Variants in RAB11FIP1 observed in about 807,000 individuals in gnomAD.
RAB11FIP1 encodes RAB11 family interacting protein 1.
RAB11FIP1 carries 49 observed loss-of-function variants against 83.1 expected under a neutral mutation model. That is an observed-to-expected ratio of 0.59 (90% confidence interval 0.47 to 0.75). The LOEUF (loss-of-function observed/expected upper bound fraction) is 0.75, where lower values mean the gene tolerates loss of function less well. RAB11FIP1 is among the 30% of genes least tolerant of loss of function. The pLI, the probability that RAB11FIP1 is intolerant of heterozygous loss-of-function variation, is 0.00. For synonymous variants in RAB11FIP1, 670 were observed against 656.0 expected (o/e 1.02, Z -0.33); for missense variants, 1,536 against 1,598.7 (o/e 0.96, Z 0.67).
At position 37,863,028 on chromosome 8, in the gene RAB11FIP1, G is replaced by A. The variant is rs368435417; in HGVS notation, c.3719C>T (p.Thr1240Met). The change falls in exon 6 of 6, where the codon ACG (threonine) becomes ATG (methionine). Residue 1240 changes from threonine (T) to methionine (M), a missense_variant. Coordinates refer to ENST00000330843, the MANE Select transcript of RAB11FIP1 (RefSeq NM_001002814.3). ...LIQLVLKQKETISKKEFQVRE... is the reference protein window; with the variant it reads ...LIQLVLKQKEMISKKEFQVRE... The stretch of plus-strand genomic sequence containing the variant: ...GACCTGGAACTCCTTCTTGCTTATC[G>A]TTTCCTTCTGTTTGAGGACCAGCTG... 85 of 1,613,412 alleles carry A rather than the reference G, an allele frequency of 5.3e-5. No homozygotes were observed. The highest frequency in any genetic ancestry group is 1.8e-4 in the Middle Eastern group (1 of 5,668).
In RAB11FIP1 at chr8:37,899,105, C is replaced by A. The variant is rs748646177; in HGVS notation, c.337G>T (p.Asp113Tyr). The A allele has an allele frequency of 1.8e-5, 27 of 1,528,474 alleles. No homozygotes were observed. The East Asian group carries it at 5.4e-4, about 30-fold the overall frequency. The allele number at this position is 1,528,474 out of a possible 1,614,324, so 94.7% of individuals were successfully genotyped here. A position where few individuals can be genotyped will look rare whatever the true frequency, so the allele number is the denominator to read the frequency against. ...CTGCGGCCCTGGTCGCGGTGCAGAT[C>A]CCGCAGGTCCACCTCGGCGCGGCCC... ...FLGRAEVDLR[D>Y]LHRDQGRRKT... is the part of the protein sequence containing the mutation. Residue 113 changes from aspartate to tyrosine, a missense_variant, in exon 1 of 6, where the codon GAT (aspartate) becomes TAT (tyrosine). Coordinates refer to ENST00000330843, the MANE Select transcript of RAB11FIP1 (RefSeq NM_001002814.3). This position sits in a 1 kb window ranked among gnomAD's most constrained non-coding sequence, Gnocchi z 4.5.
intron 1 of RAB11FIP1, among the ~76,000 whole-genome samples, chr8:37,891,906 G>A (rs540124858): frequency 6.6e-6 from 1 of 152,220 alleles, no homozygotes; most frequent in Admixed American, 6.5e-5. Flanking sequence ...GTACTGAGTG[G>A]GTAATCACTT....
At chr8:37,875,345 A>G (rs747614213) in intron 2 of RAB11FIP1, 23 bp from the exon 3 acceptor site, 2 of 1,567,992 alleles carry the variant, frequency 1.3e-6, no homozygotes, top group Admixed American at 3.5e-5. Flanking sequence ...AAAGAACAGA[A>G]AGGGGATAAG....
chr8:37,894,739 T>TATATATAC (rs1416954611), intron 1 of RAB11FIP1, among the ~76,000 whole-genome samples: 5 of 147,240 alleles, frequency 3.4e-5, no homozygotes, highest in African/African-American at 1.2e-4. Flanking sequence ...TATATATATA[T>TATATATAC]ACACACACAC....
At chr8:37,873,871 A>ATGTATATG (rs377482566) in intron 3 of RAB11FIP1, among the ~76,000 whole-genome samples, 1 of 149,474 alleles carries the variant, frequency 6.7e-6, no homozygotes, top group Non-Finnish European at 1.5e-5. Context: ...GTGTGTGTAT[A>ATGTATATG]TGTGTGTGTG....
chr8:37,870,601 C>G, intron 4 of RAB11FIP1, 73 bp from the exon 5 acceptor site: 2 of 763,700 alleles, frequency 2.6e-6, no homozygotes, highest in South Asian at 3.4e-5. Flanking sequence ...ACTGCAAAGA[C>G]GGCAGCCAGT....
intron 1 of RAB11FIP1, chr8:37,878,189 T>A (rs1185343659): frequency 6.6e-6 from 1 of 151,266 alleles, no homozygotes; most frequent in Non-Finnish European, 1.5e-5. Flanking sequence ...GAAAAAAAAA[T>A]ATTCCATGGA....
rs139751334 is a variant in RAB11FIP1, at chr8:37,872,183, C to A, written c.2619G>T (p.Ala873=). The change falls in exon 4 of 6, where the codon GCG becomes GCT. Residue 873 remains alanine (A), a synonymous_variant. Transcript: ENST00000330843. ...ERESVTTPGP[A]TCGAPASPAD... The stretch of plus-strand genomic sequence containing the variant: ...CTGGGGAGGCTGGCGCACCACACGT[C>A]GCTGGCCCAGGTGTGGTCACCGATT... The A allele has an allele frequency of 2.0e-5, 33 of 1,614,002 alleles. No homozygotes were observed. Among genetic ancestry groups the A allele is most frequent in the Non-Finnish European group, 2.7e-5 (32 of 1,179,978 alleles).
Position 37,872,429 on chromosome 8 carries a change from C to T in RAB11FIP1, c.2373G>A (p.Leu791=), listed in dbSNP as rs75482874. ...VPSIDSMMRK[L]EEMGLNLRKD... is the part of the protein sequence containing the mutation. ...TGCGGAGGTTCAGACCCATCTCTTC[C>T]AGCTTCCGCATCATGGAATCAATGG... Residue 791 remains leucine (L), a synonymous_variant, in exon 4 of 6, where the codon CTG becomes CTA. Transcript: ENST00000330843. The T allele has an allele frequency of 3.0e-4, 480 of 1,614,202 alleles. 7 individuals are homozygous for T. The East Asian group carries it at 7.5e-3, about 25-fold the overall frequency.
Position 37,898,721 on chromosome 8 carries a change from G to C in RAB11FIP1, c.371+350C>G, listed in dbSNP as rs1184017714. Among the ~76,000 whole-genome samples, 7 of 150,352 alleles carry C rather than the reference G, an allele frequency of 4.7e-5. No individual in the cohort carries two copies. In the South Asian group the frequency reaches 6.3e-4, roughly 14 times the overall value. On this transcript the variant is annotated intron_variant, in intron 1 of 5. Transcript: ENST00000330843. ...TGTAATCCCAGCTACTCGGGAGGCTGAGGCAGGAGAATCACGTGAACCTGC... is the reference window on the plus strand; with the variant it reads ...TGTAATCCCAGCTACTCGGGAGGCTCAGGCAGGAGAATCACGTGAACCTGC...
chr8:37,875,040 C>T lies in RAB11FIP1; in HGVS notation c.1097G>A (p.Trp366Ter), dbSNP rs1806577608. Residue 366 changes from tryptophan to a stop codon, truncating the protein, a stop_gained, in exon 3 of 6, where the codon TGG (tryptophan) becomes TAG (stop). Coordinates refer to ENST00000330843, the MANE Select transcript of RAB11FIP1 (RefSeq NM_001002814.3). LOFTEE classifies it high-confidence loss of function. The part of the protein sequence containing the change: ...SSTENLAAGS[W>*]KEPAEGGGLS... ...CCCACCTCCTTCAGCAGGCTCCTTC[C>T]AAGACCCAGCCGCCAGGTTCTCTGT... 5 of 1,614,144 alleles carry T rather than the reference C, an allele frequency of 3.1e-6. No individual in the cohort carries two copies. The highest frequency in any genetic ancestry group is 4.2e-6 in the Non-Finnish European group (5 of 1,180,034).
At position 37,871,993 on chromosome 8, in the gene RAB11FIP1, G is replaced by C. The variant is rs1034968731; in HGVS notation, c.2809C>G (p.Pro937Ala). Residue 937 changes from proline (P) to alanine (A), a missense_variant, in exon 4 of 6, where the codon CCC (proline) becomes GCC (alanine). Physicochemically the swap from Pro to Ala is conservative, Grantham distance 27. Coordinates refer to ENST00000330843, the MANE Select transcript of RAB11FIP1 (RefSeq NM_001002814.3). The stretch of plus-strand genomic sequence containing the variant: ...GAGACCAACTGAAGGTCACTCAAGG[G>C]GTCAGACAATAAACCTTCGTGGTCA... ...ASDHEGLLSDPLSDLQLVSDF... is the reference protein window; with the variant it reads ...ASDHEGLLSDALSDLQLVSDF... 1.2e-6 allele frequency: 2 copies of C among 1,614,106 alleles called. No individual in the cohort carries two copies. Among genetic ancestry groups the C allele is most frequent in the Non-Finnish European group, 1.7e-6 (2 of 1,180,028 alleles).
rs7000811 is a variant in RAB11FIP1 at position 37,865,308 on chromosome 8, T to C, written c.3634-2195A>G. On this transcript the variant is annotated intron_variant, in intron 5 of 5. Transcript: ENST00000330843. ...AACATTTGGGTCTCTTTATTTTTCC[T>C]GGGATTCTTTTTTTTTTTTTTCTTT... Among the ~76,000 whole-genome samples the C allele has an allele frequency of 8.9e-3, 1,224 of 137,302 alleles. 11 individuals carry two copies. Among genetic ancestry groups the C allele is most frequent in the African/African-American group, 0.031 (1,142 of 36,734 alleles). 90.1% of individuals were successfully genotyped at this position (137,302 alleles called of 152,430 possible).
chr8:37,898,529 T>C (rs1451637894), intron 1 of RAB11FIP1, among the ~76,000 whole-genome samples: 1 of 151,992 alleles, frequency 6.6e-6, no homozygotes, highest in African/African-American at 2.4e-5. Context: ...GGCGCACGCC[T>C]GTAGTCCCAG....
chr8:37,893,613 C>G (rs947230114), intron 1 of RAB11FIP1, among the ~76,000 whole-genome samples: 72 of 152,174 alleles, frequency 4.7e-4, no homozygotes, highest in African/African-American at 1.7e-3. Context: ...GAGATCCCAT[C>G]TCTACAAAAA....
intron 1 of RAB11FIP1, among the ~76,000 whole-genome samples, chr8:37,898,504 T>G (rs1490475745): frequency 2.0e-5 from 3 of 151,830 alleles, no homozygotes; most frequent in African/African-American, 7.3e-5. Flanking sequence ...AATACAAAAA[T>G]TAGCCGGGCG....
At chr8:37,867,231 A>G (rs897776585) in intron 5 of RAB11FIP1, among the ~76,000 whole-genome samples, 2 of 152,236 alleles carry the variant, frequency 1.3e-5, no homozygotes, top group Non-Finnish European at 2.9e-5. Context: ...GATAAATATC[A>G]TTAATTCCAG....
intron 2 of RAB11FIP1, among the ~76,000 whole-genome samples, chr8:37,876,048 C>A (rs539759575): frequency 6.6e-6 from 1 of 151,862 alleles, no homozygotes; most frequent in Non-Finnish European, 1.5e-5. Context: ...TACAAAAATT[C>A]ACCGGGTGTG....
chr8:37,885,735 C>T (rs889052070), intron 1 of RAB11FIP1, among the ~76,000 whole-genome samples: 3 of 152,180 alleles, frequency 2.0e-5, no homozygotes, highest in Non-Finnish European at 4.4e-5. Flanking sequence ...CTGAGTAGCC[C>T]ACTGGGAAGC....
Sources: gnomAD v4.1 joint callset for allele counts (sites outside exome capture counted in the v4.1 genomes callset) on GRCh38, gnomAD v4.1.1 for gene constraint, Gnocchi (gnomAD v3.1) non-coding constraint, MANE v1.5 for transcripts, NCBI Gene and HGNC (gene_info 2026-07-23, HGNC 2026-07-21) for gene names.